Variants in PIK3C2G observed in about 807,000 individuals in gnomAD.
PIK3C2G encodes phosphatidylinositol-4-phosphate 3-kinase catalytic subunit type 2 gamma, also known as phosphatidylinositol 3-kinase C2 domain-containing subunit gamma.
A neutral mutation model predicts 181.1 loss-of-function variants in PIK3C2G; 168 were observed. That is an observed-to-expected ratio of 0.93 (90% CI 0.82 to 1.05). PIK3C2G has a LOEUF of 1.05. Ranked by LOEUF, PIK3C2G falls within the 50% of genes least tolerant of loss-of-function variation. PIK3C2G has a pLI of 0.00. For synonymous variants in PIK3C2G, 573 were observed against 592.2 expected (o/e 0.97, Z 0.47); for missense variants, 1,869 against 1,732.8 (o/e 1.08, Z -1.40).
chr12:18,518,930 G>A (rs1314528377), intron 24 of PIK3C2G, among the ~76,000 whole-genome samples: 1 of 152,156 alleles, frequency 6.6e-6, no homozygotes, highest in African/African-American at 2.4e-5. Context: ...CTGACATGTT[G>A]TCTCTTTGTT....
chr12:18,500,552 G>C (rs2136102378), intron 22 of PIK3C2G, among the ~76,000 whole-genome samples: 1 of 152,292 alleles, frequency 6.6e-6, no homozygotes, highest in Non-Finnish European at 1.5e-5. Context: ...GGACTGGCAG[G>C]CAGCTCCACC....
intron 26 of PIK3C2G, among the ~76,000 whole-genome samples, chr12:18,551,568 T>C (rs1944730098): frequency 6.6e-6 from 1 of 152,114 alleles, no homozygotes; most frequent in South Asian, 2.1e-4. Context: ...AGTAAGTATA[T>C]GATCTGCTCG....
intron 1 of PIK3C2G, among the ~76,000 whole-genome samples, chr12:18,273,788 GC>G (rs1948850504): frequency 6.6e-6 from 1 of 152,108 alleles, no homozygotes; most frequent in Admixed American, 6.5e-5. Flanking sequence ...GGCAACAAAA[GC>G]CAAAATTGAA....
chr12:18,292,227 A>AAAAAAAAATAT, intron 4 of PIK3C2G, among the ~76,000 whole-genome samples: 549 of 48,428 alleles, frequency 0.011, 37 homozygotes, highest in Non-Finnish European at 0.015. Flanking sequence ...AAAAAAAAAA[A>AAAAAAAAATAT]ATATATATAT....
chr12:18,617,858 G>T (rs2136646892), intron 31 of PIK3C2G, among the ~76,000 whole-genome samples: 1 of 152,252 alleles, frequency 6.6e-6, no homozygotes, highest in African/African-American at 2.4e-5. Context: ...TAGGTGTAAT[G>T]TGAAACCTCT....
At chr12:18,583,828 T>G (rs943078518) in intron 29 of PIK3C2G, among the ~76,000 whole-genome samples, 1 of 151,904 alleles carries the variant, frequency 6.6e-6, no homozygotes, top group African/African-American at 2.4e-5. Context: ...GTCCTCCAAA[T>G]GACTGCACTA....
intron 10 of PIK3C2G, among the ~76,000 whole-genome samples, chr12:18,345,287 C>T (rs912070442): frequency 3.9e-5 from 6 of 152,066 alleles, no homozygotes; most frequent in Non-Finnish European, 5.9e-5. Flanking sequence ...TTTACTCTTC[C>T]GCTTCATTAA....
At chr12:18,421,847 G>C (rs532849523) in intron 17 of PIK3C2G, among the ~76,000 whole-genome samples, 1 of 151,954 alleles carries the variant, frequency 6.6e-6, no homozygotes, top group South Asian at 2.1e-4. Context: ...GAAACTGGTA[G>C]AAGGAGCCTA....
Position 18,568,117 on chromosome 12 carries a change from C to T in PIK3C2G, c.4011+1060C>T, listed in dbSNP as rs143961076. ...GGATAATCTCACCGTCTCAGGATTC[C>T]TAATGTAATTTTATCTGCAAAGTCT... On this transcript the variant is annotated intron_variant, in intron 29 of 32. Transcript: ENST00000538779. Among the ~76,000 whole-genome samples, 623 of 152,240 alleles carry T rather than the reference C, an allele frequency of 4.1e-3. 6 individuals carry two copies. Among genetic ancestry groups the T allele is most frequent in the African/African-American group, 0.014 (590 of 41,550 alleles).
At chr12:18,625,530 G>A (rs1349989143) in intron 31 of PIK3C2G, among the ~76,000 whole-genome samples, 1 of 151,720 alleles carries the variant, frequency 6.6e-6, no homozygotes, top group Non-Finnish European at 1.5e-5. Flanking sequence ...TACATCCATT[G>A]CGTCCTTTTG....
At chr12:18,598,380 G>C (rs1261425555) in intron 30 of PIK3C2G, among the ~76,000 whole-genome samples, 5 of 151,468 alleles carry the variant, frequency 3.3e-5, no homozygotes, top group East Asian at 1.9e-4. Flanking sequence ...ACAAACCTGA[G>C]AAAAACAAGC....
intron 29 of PIK3C2G, among the ~76,000 whole-genome samples, chr12:18,579,571 C>T (rs1331479860): frequency 6.6e-6 from 1 of 152,116 alleles, no homozygotes; most frequent in African/African-American, 2.4e-5. Context: ...CTCTCTCCCA[C>T]ACACATGCAC....
chr12:18,562,870 G>A lies in PIK3C2G; in HGVS notation c.3758G>A (p.Gly1253Glu). The change falls in exon 27 of 33, where the codon GGG (glycine) becomes GAG (glutamate). Residue 1253 changes from glycine (G) to glutamate (E), a missense_variant. By Grantham distance (98) the Gly-to-Glu change is moderately conservative. Coordinates refer to ENST00000538779, the MANE Select transcript of PIK3C2G (RefSeq NM_001288772.2). ...TCGATTGAAAGAGCAACAATTTTAG[G>A]GTTCAGCAAGAAATCCAGTAATGTA... ...TRSIERATIL[G>E]FSKKSSNLYL... 1 of 1,600,210 alleles carries A rather than the reference G, an allele frequency of 6.2e-7. No individual in the cohort carries two copies. Among genetic ancestry groups the A allele is most frequent in the Non-Finnish European group, 8.5e-7 (1 of 1,172,232 alleles).
the PIK3C2G span, among the ~76,000 whole-genome samples, chr12:18,722,340 C>T: frequency 6.6e-6 from 1 of 152,236 alleles, no homozygotes. Flanking sequence ...TTATTCTTCA[C>T]TATATCTTCA....
intron 29 of PIK3C2G, among the ~76,000 whole-genome samples, chr12:18,577,225 A>G (rs1238059882): frequency 6.6e-6 from 1 of 152,190 alleles, no homozygotes; most frequent in Admixed American, 6.5e-5. Flanking sequence ...GCACAGGCAG[A>G]GAAGGTTTTT....
At chr12:18,469,148 C>G (rs1175308379) in intron 18 of PIK3C2G, among the ~76,000 whole-genome samples, 1 of 152,008 alleles carries the variant, frequency 6.6e-6, no homozygotes, top group Non-Finnish European at 1.5e-5. Flanking sequence ...TCTTTATTTC[C>G]AAATCAGAGT....
chr12:18,695,683 C>G, the PIK3C2G span, among the ~76,000 whole-genome samples: 144 of 152,110 alleles, frequency 9.5e-4, no homozygotes, highest in Admixed American at 2.0e-3. Context: ...TAGTGCAGTG[C>G]TGTACTAGCT....
intron 8 of PIK3C2G, among the ~76,000 whole-genome samples, chr12:18,326,450 T>C (rs977237960): frequency 6.6e-6 from 1 of 152,212 alleles, no homozygotes; most frequent in African/African-American, 2.4e-5. Context: ...ATTTGTAATA[T>C]CAATAAACAC....
At chr12:18,616,525 G>T (rs1235040266) in intron 31 of PIK3C2G, among the ~76,000 whole-genome samples, 1 of 152,000 alleles carries the variant, frequency 6.6e-6, no homozygotes. Context: ...AAAATAAAGT[G>T]AATTCTTGTT....
Sources: gnomAD v4.1 joint callset for allele counts (sites outside exome capture counted in the v4.1 genomes callset) on GRCh38, gnomAD v4.1.1 for gene constraint, MANE v1.5 for transcripts, NCBI Gene and HGNC (gene_info 2026-07-23, HGNC 2026-07-21) for gene names.